The following MCM10 variants were observed in gnomAD, a reference collection of about 807,000 sequenced individuals.
MCM10 encodes protein MCM10 homolog.
A neutral mutation model predicts 109.9 loss-of-function variants in MCM10; 91 were observed. That is an observed-to-expected ratio of 0.83 (90% CI 0.70 to 0.99). The LOEUF (loss-of-function observed/expected upper bound fraction) is 0.99. Ranked by LOEUF, MCM10 falls within the 50% of genes least tolerant of loss-of-function variation. The pLI is 0.00. For missense variants in MCM10, 1,077 were observed against 1,061.2 expected (o/e 1.01, Z -0.21); for synonymous variants, 380 against 387.2 (o/e 0.98, Z 0.22).
At chr10:13,168,746 C>A (rs1834033367) in intron 2 of MCM10, among the ~76,000 whole-genome samples, 1 of 152,018 alleles carries the variant, frequency 6.6e-6, no homozygotes, top group Non-Finnish European at 1.5e-5. Flanking sequence ...ATCAGATTGA[C>A]AAAAAAATAT....
rs775129086 is a variant in MCM10, at chr10:13,201,465, A to C, written c.2283A>C (p.Lys761Asn). The change falls in exon 17 of 20, where the codon AAA becomes AAC. Residue 761 changes from lysine to asparagine, a missense_variant. Lys to Asn is a moderately conservative substitution (Grantham distance 94, BLOSUM62 0). Coordinates refer to ENST00000378714, the MANE Select transcript of MCM10 (RefSeq NM_018518.5). ...MQERYFEPLV[K>N]KEQMEEKMRN... The stretch of plus-strand genomic sequence containing the variant: ...AGCGCTACTTTGAGCCACTGGTGAA[A>C]AAAGAACAAATGGAAGAAAAGATGA... 1 of 1,613,488 alleles carries C rather than the reference A, an allele frequency of 6.2e-7. No homozygotes were observed. Among genetic ancestry groups the C allele is most frequent in the Admixed American group, 1.7e-5 (1 of 59,970 alleles).
At chr10:13,184,512 C>T (rs1387249200) in intron 8 of MCM10, among the ~76,000 whole-genome samples, 3 of 152,142 alleles carry the variant, frequency 2.0e-5, no homozygotes, top group Non-Finnish European at 4.4e-5. Flanking sequence ...TCTACTCTGA[C>T]CCAGCATGGA....
chr10:13,198,798 C>T lies in MCM10; in HGVS notation c.2229C>T (p.Ile743=). 6.2e-7 allele frequency: 1 copy of T among 1,609,720 alleles called. No individual in the cohort carries two copies. Among genetic ancestry groups the T allele is most frequent in the Non-Finnish European group, 8.5e-7 (1 of 1,177,346 alleles). The change falls in exon 16 of 20, where the codon ATC becomes ATT. Residue 743 remains isoleucine, a synonymous_variant. Transcript: ENST00000378714. ...ILKAKSKHTG[I]LKEAEAEMQE... ...AAGCAAAATCAAAACACACAGGCATCCTGAAAGAGGTAAGAGCCCAAAAGC... is the reference window on the plus strand; with the variant it reads ...AAGCAAAATCAAAACACACAGGCATTCTGAAAGAGGTAAGAGCCCAAAAGC...
rs899142183 is a variant in MCM10, at chr10:13,209,589, G to T, written c.*279G>T. The T allele has an allele frequency of 1.0e-5, 5 of 477,602 alleles. No individual in the cohort carries two copies. The highest frequency in any genetic ancestry group is 3.7e-5 in the Admixed American group (1 of 26,928). 29.6% of individuals were successfully genotyped at this position (477,602 alleles called of 1,614,324 possible). A position where few individuals can be genotyped will look rare whatever the true frequency, so the allele number is the denominator to read the frequency against. ...TCACTGAAGTTTTTGCCCAAAAATT[G>T]GAAGGTAAACAGAGAGCTATGTTTC... is the stretch of plus-strand genomic sequence containing the variant. On this transcript the variant is annotated 3_prime_UTR_variant, in exon 20 of 20. Transcript: ENST00000378714.
chr10:13,179,366 T>C (rs531160741), intron 6 of MCM10, among the ~76,000 whole-genome samples: 130 of 152,282 alleles, frequency 8.5e-4, no homozygotes, highest in African/African-American at 2.3e-3. Flanking sequence ...TACCTGGCCT[T>C]CAGGGTTCAG....
chr10:13,204,396 C>T (rs777243590), intron 18 of MCM10, 32 bp downstream of exon 18: 20 of 1,609,110 alleles, frequency 1.2e-5, no homozygotes, highest in African/African-American at 5.3e-5. Context: ...CTTTGTCCCA[C>T]GTGGGGATTT....
chr10:13,183,572 A>G lies in MCM10; in HGVS notation c.1098+472A>G, dbSNP rs182814789. 3.6e-3 allele frequency among the ~76,000 whole-genome samples: 541 copies of G among 152,314 alleles called. 2 individuals carry two copies. The highest frequency in any genetic ancestry group is 5.1e-3 in the Non-Finnish European group (346 of 68,032). On this transcript the variant is annotated intron_variant, in intron 8 of 19. Transcript: ENST00000378714. ...CATTCATTACCCATCAGTATTCTGAATTTCCACCTATTCTAAAGTGTTTTG... is the reference window on the plus strand; with the variant it reads ...CATTCATTACCCATCAGTATTCTGAGTTTCCACCTATTCTAAAGTGTTTTG...
At position 13,183,167 on chromosome 10, in the gene MCM10, T is replaced by C. The variant is rs938486769; in HGVS notation, c.1098+67T>C. 7.1e-6 allele frequency: 11 copies of C among 1,551,360 alleles called. No homozygotes were observed. In the African/African-American group the frequency reaches 1.5e-4, roughly 21 times the overall value. ...CAAGTTAACTGAGTTTTATCAAAGA[T>C]GTTTGATGCAGCACACAGTGGCTCA... is the stretch of plus-strand genomic sequence containing the variant. On this transcript the variant is annotated intron_variant, in intron 8 of 19. Coordinates refer to ENST00000378714, the MANE Select transcript of MCM10 (RefSeq NM_018518.5).
At position 13,172,681 on chromosome 10, in the gene MCM10, T is replaced by G; in HGVS notation, c.508T>G (p.Ser170Ala). The stretch of plus-strand genomic sequence containing the variant: ...GAGGAGAGTTCAGAGAATTCAGGAG[T>G]CAACATGCTTTTCTGCGGAGCTTGA... ...KERRVQRIQESTCFSAELDVP... is the reference protein window; with the variant it reads ...KERRVQRIQEATCFSAELDVP... The change falls in exon 5 of 20, where the codon TCA (serine) becomes GCA (alanine). Residue 170 changes from serine (S) to alanine (A), a missense_variant. Coordinates refer to ENST00000378714, the MANE Select transcript of MCM10 (RefSeq NM_018518.5). This position sits in a 1 kb window ranked among gnomAD's most constrained non-coding sequence, Gnocchi z 5.2. The G allele has an allele frequency of 1.2e-6, 2 of 1,614,010 alleles. No homozygotes were observed. Among genetic ancestry groups the G allele is most frequent in the South Asian group, 2.2e-5 (2 of 91,078 alleles).
intron 2 of MCM10, among the ~76,000 whole-genome samples, chr10:13,165,256 T>G (rs1833980309): frequency 6.6e-6 from 1 of 152,202 alleles, no homozygotes; most frequent in Non-Finnish European, 1.5e-5. Flanking sequence ...AAAAGTTATG[T>G]GAATGTGGTC....
intron 18 of MCM10, among the ~76,000 whole-genome samples, chr10:13,208,104 C>T (rs890110472): frequency 2.6e-5 from 4 of 152,226 alleles, no homozygotes. Context: ...GCAAGAAGGG[C>T]TGGACTTGGT....
chr10:13,183,971 G>C (rs1043230192), intron 8 of MCM10, among the ~76,000 whole-genome samples: 2 of 152,054 alleles, frequency 1.3e-5, no homozygotes, highest in Admixed American at 1.3e-4. Context: ...TGGTTCTCCT[G>C]CCTCACCCTC....
At chr10:13,208,880 G>GT (rs1222274554) in intron 18 of MCM10, among the ~76,000 whole-genome samples, 2 of 152,214 alleles carry the variant, frequency 1.3e-5, no homozygotes, top group Admixed American at 6.5e-5. Context: ...CTCTAGCTTT[G>GT]TAAGGACCTA....
chr10:13,164,005 A>G, intron 1 of MCM10, 123 bp from the exon 2 acceptor site: 1 of 398,918 alleles, frequency 2.5e-6, no homozygotes, highest in East Asian at 4.0e-5. Flanking sequence ...AGAAATGGTC[A>G]GATTCTGGAT....
In MCM10 at chr10:13,209,897, T is replaced by G. The variant is rs1834635207; in HGVS notation, c.*587T>G. ...GACATTAAAAGCCAGATTTCTTCAT[T>G]CAATTCTGTTATCTCTGTTTTACTC... is the stretch of plus-strand genomic sequence containing the variant. On this transcript the variant is annotated 3_prime_UTR_variant, in exon 20 of 20. Coordinates refer to ENST00000378714, the MANE Select transcript of MCM10 (RefSeq NM_018518.5). The G allele has an allele frequency of 6.5e-6, 1 of 152,826 alleles. No homozygotes were observed. Among genetic ancestry groups the G allele is most frequent in the Non-Finnish European group, 1.5e-5 (1 of 68,576 alleles). 9.5% of individuals were successfully genotyped at this position (152,826 alleles called of 1,614,324 possible). A position where few individuals can be genotyped will look rare whatever the true frequency, so the allele number is the denominator to read the frequency against.
At chr10:13,181,629 G>A (rs902944728) in intron 7 of MCM10, among the ~76,000 whole-genome samples, 16 of 151,970 alleles carry the variant, frequency 1.1e-4, no homozygotes, top group African/African-American at 3.6e-4. Context: ...CATGACACAC[G>A]TTTACCTATG....
At chr10:13,209,026 A>C in intron 18 of MCM10, 65 bp from the exon 19 acceptor site, 35 of 1,130,472 alleles carry the variant, frequency 3.1e-5, no homozygotes, top group Non-Finnish European at 4.6e-5. Context: ...TGCAGTGAGC[A>C]CCGTCGTCTT....
At chr10:13,180,025 G>A (rs1430777148) in intron 6 of MCM10, among the ~76,000 whole-genome samples, 2 of 152,144 alleles carry the variant, frequency 1.3e-5, no homozygotes, top group African/African-American at 2.4e-5. Context: ...AGGCCGAGGC[G>A]AGCAGATCGC....
At chr10:13,197,038 A>G (rs533911196) in intron 14 of MCM10, among the ~76,000 whole-genome samples, 31 of 147,206 alleles carry the variant, frequency 2.1e-4, no homozygotes, top group African/African-American at 7.5e-4. Context: ...TGATCCTCCC[A>G]TCTCAGTCCC....
Sources: allele counts gnomAD v4.1 joint callset (sites outside exome capture counted in the v4.1 genomes callset), GRCh38; gene constraint gnomAD v4.1.1; non-coding constraint Gnocchi (gnomAD v3.1); transcripts MANE v1.5; gene names NCBI Gene and HGNC (gene_info 2026-07-23, HGNC 2026-07-21).